The following B3GAT2 variants were observed in gnomAD, a reference collection of about 807,000 sequenced individuals.
B3GAT2 encodes galactosylgalactosylxylosylprotein 3-beta-glucuronosyltransferase 2.
B3GAT2 carries 26 observed loss-of-function variants against 27.8 expected under a neutral mutation model. The observed-to-expected ratio is 0.93, with a 90% CI of 0.68 to 1.30. B3GAT2 has a LOEUF of 1.30. Among genes scored for constraint, B3GAT2 ranks in the 50% most tolerant of loss-of-function variants. The probability of loss-of-function intolerance (pLI) is 0.00; values close to 1 mark genes in which losing one functional copy is unlikely to be tolerated. For synonymous variants in B3GAT2, 218 were observed against 195.1 expected (o/e 1.12, Z -0.98); for missense variants, 458 against 459.0 (o/e 1.00, Z 0.02).
intron 2 of B3GAT2, among the ~76,000 whole-genome samples, chr6:70,893,927 A>T (rs889633020): frequency 3.3e-5 from 5 of 152,168 alleles, no homozygotes; most frequent in African/African-American, 1.2e-4. Flanking sequence ...GGCATTTTCT[A>T]ATCACCCTCC....
intron 1 of B3GAT2, among the ~76,000 whole-genome samples, chr6:70,899,735 G>C (rs1454799867): frequency 6.6e-6 from 1 of 152,080 alleles, no homozygotes; most frequent in Non-Finnish European, 1.5e-5. Context: ...GCTATTTACA[G>C]AACTTCTTCA....
intron 1 of B3GAT2, among the ~76,000 whole-genome samples, chr6:70,926,074 T>C (rs1243603096): frequency 1.3e-5 from 2 of 152,216 alleles, no homozygotes; most frequent in East Asian, 1.9e-4. Context: ...GACCTGCAGC[T>C]GAGGGTCCTG....
chr6:70,938,831 AGGCATG>A (rs1765339554), intron 1 of B3GAT2, among the ~76,000 whole-genome samples: 1 of 151,954 alleles, frequency 6.6e-6, no homozygotes, highest in Admixed American at 6.6e-5. Flanking sequence ...TTCAGGACAT[AGGCATG>A]GGCAAGGACT....
intron 1 of B3GAT2, among the ~76,000 whole-genome samples, chr6:70,954,960 C>T (rs956807403): frequency 2.7e-5 from 4 of 150,804 alleles, no homozygotes; most frequent in Non-Finnish European, 5.9e-5. Context: ...AACTCATGGG[C>T]CATCTCAACA....
In B3GAT2 at chr6:70,864,368, T is replaced by C. The variant is rs577180139; in HGVS notation, c.737-2390A>G. On this transcript the variant is annotated intron_variant, in intron 2 of 3. Transcript: ENST00000230053. ...TTCCAGCGCTTCACACAGAATGACATGGCAAAATCTACAATTTATGTAAAG... is the reference window on the plus strand; with the variant it reads ...TTCCAGCGCTTCACACAGAATGACACGGCAAAATCTACAATTTATGTAAAG... Among the ~76,000 whole-genome samples, 41 of 152,342 alleles carry C rather than the reference T, an allele frequency of 2.7e-4. 1 individual carries two copies. The South Asian group carries it at 8.5e-3, about 32-fold the overall frequency.
rs1771645692 is a variant in B3GAT2 at position 70,860,116 on chromosome 6, A to G, written c.*1547T>C. 59 of 1,460,854 alleles carry G rather than the reference A, an allele frequency of 4.0e-5. No homozygotes were observed. The South Asian group carries it at 8.3e-4, about 21-fold the overall frequency. 90.5% of individuals were successfully genotyped at this position (1,460,854 alleles called of 1,614,324 possible). A position where few individuals can be genotyped will look rare whatever the true frequency, so the allele number is the denominator to read the frequency against. On this transcript the variant is annotated 3_prime_UTR_variant, in exon 4 of 4. Coordinates refer to ENST00000230053, the MANE Select transcript of B3GAT2 (RefSeq NM_080742.3). Reference sequence around the variant, plus strand: ...CTTGGACTAGTTGTCACATTAATGAAAAAATGACCAACTGTGTGGCTAAAG... The same window carrying G: ...CTTGGACTAGTTGTCACATTAATGAGAAAATGACCAACTGTGTGGCTAAAG...
intron 1 of B3GAT2, among the ~76,000 whole-genome samples, chr6:70,923,407 C>T (rs12209261): frequency 1.3e-4 from 20 of 152,180 alleles, no homozygotes; most frequent in East Asian, 1.9e-4. Flanking sequence ...CCAGGTGCAA[C>T]GGCTCACACC....
chr6:70,889,319 A>AATT (rs1233281624), intron 2 of B3GAT2, among the ~76,000 whole-genome samples: 43 of 152,198 alleles, frequency 2.8e-4, no homozygotes, highest in African/African-American at 1.0e-3. Flanking sequence ...AAAAGCTGTT[A>AATT]TACCCCTTGA....
At chr6:70,881,205 G>A (rs2150026699) in intron 2 of B3GAT2, among the ~76,000 whole-genome samples, 1 of 152,288 alleles carries the variant, frequency 6.6e-6, no homozygotes. Flanking sequence ...CCTCTCACAT[G>A]AGGTTATTCC....
chr6:70,948,934 A>C (rs969676464), intron 1 of B3GAT2, among the ~76,000 whole-genome samples: 16 of 152,020 alleles, frequency 1.1e-4, no homozygotes, highest in African/African-American at 3.9e-4. Context: ...ATCTTTGACA[A>C]ACCTGAGAAA....
chr6:70,935,474 G>GTATATATATATATATATATATATATA (rs754633194), intron 1 of B3GAT2, among the ~76,000 whole-genome samples: 13 of 151,220 alleles, frequency 8.6e-5, no homozygotes, highest in African/African-American at 1.5e-4. Flanking sequence ...ATATATATGT[G>GTATATATATATATATATATATATATA]TATATATATA....
chr6:70,873,414 A>G (rs766184279), intron 2 of B3GAT2, among the ~76,000 whole-genome samples: 2 of 145,738 alleles, frequency 1.4e-5, no homozygotes, highest in Non-Finnish European at 3.1e-5. Flanking sequence ...GTTTCTGATA[A>G]GAAATCAGTC....
At chr6:70,926,312 A>C (rs1183164756) in intron 1 of B3GAT2, among the ~76,000 whole-genome samples, 1 of 152,206 alleles carries the variant, frequency 6.6e-6, no homozygotes, top group African/African-American at 2.4e-5. Context: ...AGAAAGCTGG[A>C]TGGAGAATGA....
intron 1 of B3GAT2, among the ~76,000 whole-genome samples, chr6:70,940,463 C>T (rs1319920430): frequency 6.6e-6 from 1 of 151,994 alleles, no homozygotes; most frequent in Non-Finnish European, 1.5e-5. Flanking sequence ...AGGAAATGAC[C>T]TTAAAATACT....
At chr6:70,948,744 A>T (rs1347405400) in intron 1 of B3GAT2, among the ~76,000 whole-genome samples, 2 of 152,212 alleles carry the variant, frequency 1.3e-5, no homozygotes, top group East Asian at 1.9e-4. Context: ...TAAAGTTCAT[A>T]TGGAACCAAA....
At chr6:70,877,684 G>T (rs918119196) in intron 2 of B3GAT2, among the ~76,000 whole-genome samples, 2 of 152,192 alleles carry the variant, frequency 1.3e-5, no homozygotes, top group African/African-American at 4.8e-5. Flanking sequence ...GGCGGCGGGG[G>T]TGGAGCTGCT....
intron 1 of B3GAT2, among the ~76,000 whole-genome samples, chr6:70,927,770 A>T (rs903625180): frequency 6.6e-6 from 1 of 152,166 alleles, no homozygotes; most frequent in African/African-American, 2.4e-5. Flanking sequence ...TGTCAATATT[A>T]GATCAATGAG....
At chr6:70,885,975 TA>T (rs1160779840) in intron 2 of B3GAT2, among the ~76,000 whole-genome samples, 3 of 152,182 alleles carry the variant, frequency 2.0e-5, no homozygotes, top group Non-Finnish European at 4.4e-5. Context: ...TTCATCAAAA[TA>T]AATGTGTGAG....
Position 70,871,218 on chromosome 6 carries a change from TTTTG to T in B3GAT2, c.737-9244_737-9241del, listed in dbSNP as rs1200436313. Among the ~76,000 whole-genome samples the T allele has an allele frequency of 1.9e-3, 116 of 60,318 alleles. 3 individuals are homozygous for T. The highest frequency in any genetic ancestry group is 0.01 in the Middle Eastern group (1 of 100). 39.6% of individuals were successfully genotyped at this position (60,318 alleles called of 152,430 possible). A position where few individuals can be genotyped will look rare whatever the true frequency, so the allele number is the denominator to read the frequency against. On this transcript the variant is annotated intron_variant, in intron 2 of 3. Coordinates refer to ENST00000230053, the MANE Select transcript of B3GAT2 (RefSeq NM_080742.3). Reference sequence around the variant, plus strand: ...GATATAGGTCTGTCTGTTTTTTTTTTTTTGTTTTTTTTTTTTCTTCGTGATGTCT... The same window carrying T: ...GATATAGGTCTGTCTGTTTTTTTTTTTTTTTTTTTTTTCTTCGTGATGTCT...
Sources: gnomAD v4.1 joint callset for allele counts (sites outside exome capture counted in the v4.1 genomes callset) on GRCh38, gnomAD v4.1.1 for gene constraint, MANE v1.5 for transcripts, NCBI Gene and HGNC (gene_info 2026-07-23, HGNC 2026-07-21) for gene names.